The following DCHS2 variants were observed in gnomAD, a reference collection of about 807,000 sequenced individuals.
DCHS2 encodes the protein protocadherin-23.
In DCHS2, 142 loss-of-function variants were observed where a neutral mutation model predicts 182.4. The ratio of observed to expected loss-of-function variants is 0.78; its 90% CI spans 0.68 to 0.89. DCHS2 has a LOEUF of 0.89. DCHS2 is among the 40% of genes least tolerant of loss of function. The pLI is 0.00. For synonymous variants in DCHS2, 1,740 were observed against 1,663.3 expected (o/e 1.05, Z -1.12); for missense variants, 4,319 against 4,198.6 (o/e 1.03, Z -0.79).
intron 3 of DCHS2, among the ~76,000 whole-genome samples, chr4:154,344,122 T>A (rs1729245117): frequency 6.6e-6 from 1 of 152,180 alleles, no homozygotes; most frequent in Non-Finnish European, 1.5e-5. Flanking sequence ...ATGTTAGCAG[T>A]CTTTCATGGC....
intron 1 of DCHS2, chr4:154,486,530 A>C (rs571782223): frequency 2.3e-6 from 3 of 1,303,772 alleles, no homozygotes; most frequent in African/African-American, 3.0e-5. Flanking sequence ...GCTGTAAAAG[A>C]GGAAAACTTG....
intron 1 of DCHS2, among the ~76,000 whole-genome samples, chr4:154,439,085 G>A (rs1733892527): frequency 6.6e-6 from 1 of 152,192 alleles, no homozygotes; most frequent in African/African-American, 2.4e-5. Context: ...GGCTATACCT[G>A]TAGTTGCATA....
At chr4:154,307,068 A>G (rs1735465165) in intron 10 of DCHS2, among the ~76,000 whole-genome samples, 1 of 152,148 alleles carries the variant, frequency 6.6e-6, no homozygotes, top group Non-Finnish European at 1.5e-5. Flanking sequence ...TAGTCTGCAT[A>G]CACACATTTT....
chr4:154,236,719 A>G lies in DCHS2; in HGVS notation c.7933T>C (p.Leu2645=), dbSNP rs111455548. The G allele has an allele frequency of 0.011, 17,978 of 1,613,906 alleles. 119 individuals are homozygous for G. Among genetic ancestry groups the G allele is most frequent in the Non-Finnish European group, 0.013 (15,635 of 1,179,926 alleles). ...ATTGATATGACAGCTGTGGAACTCA[A>G]TGGAGGGCAGCCACTGTCAGATGCC... ...ILASDSGCPP[L]SSTAVISIQV... The change falls in exon 20 of 20, where the codon TTG becomes CTG. Residue 2645 remains leucine (L), a synonymous_variant. Coordinates refer to ENST00000357232, the MANE Select transcript of DCHS2 (RefSeq NM_001358235.2).
chr4:154,249,402 T>C (rs968366228), intron 16 of DCHS2, among the ~76,000 whole-genome samples: 2 of 152,078 alleles, frequency 1.3e-5, no homozygotes, highest in East Asian at 3.8e-4. Context: ...AGAATGGCTA[T>C]TATTAAAAAG....
chr4:154,401,060 C>T (rs1164140756), intron 1 of DCHS2, among the ~76,000 whole-genome samples: 2 of 152,206 alleles, frequency 1.3e-5, no homozygotes, highest in East Asian at 3.9e-4. Context: ...CCTTGTTCCT[C>T]CTCCCAGTCA....
intron 1 of DCHS2, among the ~76,000 whole-genome samples, chr4:154,466,544 A>C (rs957055474): frequency 4.6e-5 from 7 of 152,186 alleles, no homozygotes; most frequent in African/African-American, 1.7e-4. Context: ...AACCCTGATA[A>C]ATAATCCAGG....
intron 3 of DCHS2, among the ~76,000 whole-genome samples, chr4:154,350,911 A>G (rs1028805542): frequency 2.0e-5 from 3 of 152,218 alleles, no homozygotes; most frequent in African/African-American, 7.2e-5. Context: ...CAAGGTTTCA[A>G]AAATTATTTG....
At chr4:154,390,265 CT>C (rs1478006545) in intron 1 of DCHS2, among the ~76,000 whole-genome samples, 2 of 104,918 alleles carry the variant, frequency 1.9e-5, no homozygotes, top group Non-Finnish European at 3.7e-5. Flanking sequence ...TCCCTCCCCC[CT>C]CCCCCCACCC....
chr4:154,391,412 C>A, intron 1 of DCHS2: 1 of 1,393,890 alleles, frequency 7.2e-7, no homozygotes, highest in Non-Finnish European at 9.4e-7. Flanking sequence ...CCACTTGCAG[C>A]ATAAAGAAAG....
At chr4:154,356,493 C>T (rs895302529) in intron 3 of DCHS2, among the ~76,000 whole-genome samples, 3 of 152,288 alleles carry the variant, frequency 2.0e-5, no homozygotes, top group African/African-American at 7.2e-5. Flanking sequence ...CCTACATCTT[C>T]ACATTAATTC....
In DCHS2 at chr4:154,298,555, T is replaced by C; in HGVS notation, c.5759A>G (p.Gln1920Arg). 3 of 1,614,144 alleles carry C rather than the reference T, an allele frequency of 1.9e-6. No homozygotes were observed. The highest frequency in any genetic ancestry group is 2.5e-6 in the Non-Finnish European group (3 of 1,180,000). ...GTCATTGGCATCCAAAACTCTAACTTGCAGGTGTATTACAGAGCTCCTAGG... is the reference window on the plus strand; with the variant it reads ...GTCATTGGCATCCAAAACTCTAACTCGCAGGTGTATTACAGAGCTCCTAGG... ...DPPRSSVIHL[Q>R]VRVLDANDHS... Residue 1920 changes from glutamine (Q) to arginine (R), a missense_variant, in exon 13 of 20, where the codon CAA becomes CGA. Transcript: ENST00000357232.
chr4:154,357,149 A>G, intron 3 of DCHS2: 2 of 983,344 alleles, frequency 2.0e-6, no homozygotes, highest in East Asian at 2.4e-5. Context: ...ACTTTCTCAT[A>G]TAGGTGCTTT....
chr4:154,236,952 G>T lies in DCHS2; in HGVS notation c.7700C>A (p.Thr2567Lys). The change falls in exon 20 of 20, where the codon ACG becomes AAG. Residue 2567 changes from threonine (T) to lysine (K), a missense_variant. Thr to Lys is a moderately conservative substitution (Grantham distance 78, BLOSUM62 -1). Transcript: ENST00000357232. ...GTCGATGTTTGAAAATGTAACAAGC[G>T]TGCTTCCAACCAGAGCATCCTCACT... ...SLSEDALVGS[T>K]LVTFSNIDHD... is the part of the protein sequence containing the mutation. 1 of 1,613,982 alleles carries T rather than the reference G, an allele frequency of 6.2e-7. No individual in the cohort carries two copies. Among genetic ancestry groups the T allele is most frequent in the African/African-American group, 1.3e-5 (1 of 75,010 alleles).
rs1285298041 is a variant in DCHS2 at position 154,490,226 on chromosome 4, G to C, written c.1130C>G (p.Ala377Gly). The part of the protein sequence containing the change: ...VWRPLDREAQ[A>G]WHQLVVEARD... ...GGCCTCCACCACCAACTGGTGCCAGGCCTGTGCCTCGCGGTCCAGAGGTCT... is the reference window on the plus strand; with the variant it reads ...GGCCTCCACCACCAACTGGTGCCAGCCCTGTGCCTCGCGGTCCAGAGGTCT... The change falls in exon 1 of 20, where the codon GCC becomes GGC. Residue 377 changes from alanine (A) to glycine (G), a missense_variant. Coordinates refer to ENST00000357232, the MANE Select transcript of DCHS2 (RefSeq NM_001358235.2). 2 of 1,549,700 alleles carry C rather than the reference G, an allele frequency of 1.3e-6. No individual in the cohort carries two copies. The highest frequency in any genetic ancestry group is 1.7e-6 in the Non-Finnish European group (2 of 1,146,824).
chr4:154,400,188 A>C (rs985015608), intron 1 of DCHS2, among the ~76,000 whole-genome samples: 3 of 151,828 alleles, frequency 2.0e-5, no homozygotes, highest in African/African-American at 7.3e-5. Context: ...CTGTAGTCCC[A>C]GCTACTCGGG....
intron 7 of DCHS2, 95 bp from the exon 8 acceptor site, chr4:154,322,583 G>C: frequency 7.2e-7 from 1 of 1,398,092 alleles, no homozygotes; most frequent in Admixed American, 3.1e-5. Flanking sequence ...TGGAAGATTT[G>C]TTTGCTTTGA....
At position 154,240,560 on chromosome 4, in the gene DCHS2, C is replaced by T. The variant is rs774857599; in HGVS notation, c.7336G>A (p.Val2446Met). 6.2e-7 allele frequency: 1 copy of T among 1,613,636 alleles called. No individual in the cohort carries two copies. Among genetic ancestry groups the T allele is most frequent in the South Asian group, 1.1e-5 (1 of 91,074 alleles). The part of the protein sequence containing the change: ...RVLDVNDNPP[V>M]FSQDFYQVTV... ...ACCTGATAGAAATCTTGAGAAAACA[C>T]TGGTGGATTATCATTGACATCCAGC... The change falls in exon 18 of 20, where the codon GTG (valine) becomes ATG (methionine). Residue 2446 changes from valine (V) to methionine (M), a missense_variant. Val to Met is a conservative substitution (Grantham distance 21). Coordinates refer to ENST00000357232, the MANE Select transcript of DCHS2 (RefSeq NM_001358235.2).
At chr4:154,410,444 T>C (rs1423400324) in intron 1 of DCHS2, among the ~76,000 whole-genome samples, 4 of 115,708 alleles carry the variant, frequency 3.5e-5, no homozygotes, top group African/African-American at 1.4e-4. Flanking sequence ...AACTTCAAGA[T>C]AGGTATTTTG....
Sources: allele counts gnomAD v4.1 joint callset (sites outside exome capture counted in the v4.1 genomes callset), GRCh38; gene constraint gnomAD v4.1.1; transcripts MANE v1.5; gene names NCBI Gene and HGNC (gene_info 2026-07-23, HGNC 2026-07-21).